The following SLC41A2 variants were observed in gnomAD, a reference collection of about 807,000 sequenced individuals.
The protein encoded by SLC41A2 is SLC41A1-like 1.
In SLC41A2, 32 loss-of-function variants were observed where a neutral mutation model predicts 58.3. The observed-to-expected ratio is 0.55, with a 90% CI of 0.41 to 0.74. The LOEUF is 0.74. SLC41A2 is among the 30% of genes least tolerant of loss of function. SLC41A2 has a pLI of 0.00. For missense variants in SLC41A2, 514 were observed against 680.6 expected, an observed-to-expected ratio of 0.76 and a Z score of 2.72; for synonymous variants, 190 against 235.0, an observed-to-expected ratio of 0.81 and a Z score of 1.75.
At chr12:104,819,965 T>C (rs1470855239) in intron 10 of SLC41A2, among the ~76,000 whole-genome samples, 2 of 152,214 alleles carry the variant, frequency 1.3e-5, no homozygotes, top group African/African-American at 2.4e-5. Flanking sequence ...GCTGTAGTAG[T>C]TGTGTTAAGT....
intron 8 of SLC41A2, among the ~76,000 whole-genome samples, chr12:104,859,573 G>A (rs1377625097): frequency 2.6e-5 from 4 of 152,098 alleles, no homozygotes; most frequent in South Asian, 2.1e-4. Context: ...TGTGGGTGAC[G>A]GGGAGAATGG....
At chr12:104,882,057 T>C (rs928746466) in intron 6 of SLC41A2, among the ~76,000 whole-genome samples, 3 of 152,214 alleles carry the variant, frequency 2.0e-5, no homozygotes, top group Admixed American at 2.0e-4. Flanking sequence ...TTGATCCCTT[T>C]ACCATTATGT....
intron 2 of SLC41A2, among the ~76,000 whole-genome samples, chr12:104,916,671 A>T (rs1033520199): frequency 2.6e-5 from 4 of 152,174 alleles, no homozygotes; most frequent in African/African-American, 9.7e-5. Flanking sequence ...ATAACGCCAC[A>T]TATCTACAAC....
intron 6 of SLC41A2, among the ~76,000 whole-genome samples, chr12:104,884,227 A>G (rs1372207876): frequency 6.6e-6 from 1 of 152,130 alleles, no homozygotes; most frequent in East Asian, 1.9e-4. Flanking sequence ...GAGTGTCCCA[A>G]TTTTCCAGGT....
intron 8 of SLC41A2, among the ~76,000 whole-genome samples, chr12:104,853,920 T>TTTTTTTTTTTTA (rs2042913379): frequency 2.5e-5 from 2 of 79,114 alleles, no homozygotes; most frequent in African/African-American, 3.7e-5. Context: ...GATTTTTTTT[T>TTTTTTTTTTTTA]TTTTTTTTTT....
intron 6 of SLC41A2, among the ~76,000 whole-genome samples, chr12:104,879,105 G>A (rs1212770104): frequency 6.6e-6 from 1 of 152,234 alleles, no homozygotes; most frequent in Non-Finnish European, 1.5e-5. Flanking sequence ...CTGCATAAAT[G>A]TTTTCTTTTG....
chr12:104,919,750 G>A (rs1361572222), intron 2 of SLC41A2, among the ~76,000 whole-genome samples: 2 of 152,084 alleles, frequency 1.3e-5, no homozygotes, highest in African/African-American at 4.8e-5. Context: ...TAGGTGGTTT[G>A]AAAATATTTT....
At chr12:104,933,877 C>A (rs1245593750) in intron 1 of SLC41A2, among the ~76,000 whole-genome samples, 1 of 151,776 alleles carries the variant, frequency 6.6e-6, no homozygotes, top group Non-Finnish European at 1.5e-5. Flanking sequence ...TATGGGTATG[C>A]AAAGGCATAC....
In SLC41A2 at chr12:104,928,267, G is replaced by A; in HGVS notation, c.261C>T (p.His87=). ...SNRSEQHMEY[H]SFSEQSFHAN... is the part of the protein sequence containing the mutation. ...CATGAAAAGACTGCTCTGAGAAACT[G>A]TGATACTCCATGTGTTGCTCAGATC... Residue 87 remains histidine, a synonymous_variant, in exon 2 of 11, where the codon CAC becomes CAT. Coordinates refer to ENST00000258538, the MANE Select transcript of SLC41A2 (RefSeq NM_001352171.3). 2 of 1,613,864 alleles carry A rather than the reference G, an allele frequency of 1.2e-6. No homozygotes were observed. The highest frequency in any genetic ancestry group is 2.2e-5 in the South Asian group (2 of 91,044).
At chr12:104,945,465 A>C (rs1452823763) in intron 1 of SLC41A2, among the ~76,000 whole-genome samples, 2 of 152,114 alleles carry the variant, frequency 1.3e-5, no homozygotes, top group Non-Finnish European at 2.9e-5. Context: ...GCACCACTGC[A>C]CTCTAGCATG....
At chr12:104,918,932 T>A (rs1255922969) in intron 2 of SLC41A2, among the ~76,000 whole-genome samples, 1 of 152,158 alleles carries the variant, frequency 6.6e-6, no homozygotes, top group South Asian at 2.1e-4. Flanking sequence ...TTGGCATTGA[T>A]ACAGTCAAGA....
rs529908518 is a variant in SLC41A2 at position 104,924,744 on chromosome 12, C to CAA, written c.555+3227_555+3228dup. 8.0e-5 allele frequency among the ~76,000 whole-genome samples: 11 copies of CAA among 136,790 alleles called. No homozygotes were observed. The South Asian group carries it at 1.1e-3, about 14-fold the overall frequency. 89.7% of individuals were successfully genotyped at this position (136,790 alleles called of 152,430 possible). ...GGGCAACAAGAGTGAAACTCTGTCT[C>CAA]AAAAAAAAAAAAGAGTCTGGAAGCA... On this transcript the variant is annotated intron_variant, in intron 2 of 10. Coordinates refer to ENST00000258538, the MANE Select transcript of SLC41A2 (RefSeq NM_001352171.3).
chr12:104,814,739 T>C (rs1566097062), intron 10 of SLC41A2, among the ~76,000 whole-genome samples: 1 of 152,208 alleles, frequency 6.6e-6, no homozygotes, highest in African/African-American at 2.4e-5. Context: ...TTATAGTAAG[T>C]ACTAAGTAAA....
At chr12:104,955,186 T>C (rs2048115252) in intron 1 of SLC41A2, among the ~76,000 whole-genome samples, 4 of 151,988 alleles carry the variant, frequency 2.6e-5, no homozygotes, top group Admixed American at 1.3e-4. Flanking sequence ...AGGCTAATTT[T>C]TGTATTTTTA....
intron 10 of SLC41A2, among the ~76,000 whole-genome samples, chr12:104,838,496 T>C (rs966410331): frequency 6.6e-6 from 1 of 152,188 alleles, no homozygotes. Flanking sequence ...AAACAAGTAT[T>C]GCCTAGTGAA....
At chr12:104,886,560 G>T in intron 5 of SLC41A2, 121 bp from the exon 6 acceptor site, 1 of 975,582 alleles carries the variant, frequency 1.0e-6, no homozygotes, top group Non-Finnish European at 1.5e-6. Context: ...GCTTAGATAA[G>T]CTGACTAAAG....
At chr12:104,832,294 T>C (rs1383384130) in intron 10 of SLC41A2, among the ~76,000 whole-genome samples, 6 of 152,218 alleles carry the variant, frequency 3.9e-5, no homozygotes, top group Admixed American at 3.9e-4. Context: ...TCTTTCTTCC[T>C]ATGTAGGAAT....
chr12:104,871,012 T>G (rs1275118788), intron 6 of SLC41A2, among the ~76,000 whole-genome samples: 2 of 152,168 alleles, frequency 1.3e-5, no homozygotes, highest in African/African-American at 2.4e-5. Context: ...CACCACCACA[T>G]TAAGGCAGAG....
chr12:104,921,170 C>A (rs2046578937), intron 2 of SLC41A2, among the ~76,000 whole-genome samples: 1 of 151,806 alleles, frequency 6.6e-6, no homozygotes. Context: ...AATAATTATT[C>A]ATATTCAAGA....
Sources: gnomAD v4.1 joint callset for allele counts (sites outside exome capture counted in the v4.1 genomes callset) on GRCh38, gnomAD v4.1.1 for gene constraint, MANE v1.5 for transcripts, NCBI Gene and HGNC (gene_info 2026-07-23, HGNC 2026-07-21) for gene names.